The following SULT1C2 variants were observed in gnomAD, a reference collection of about 807,000 sequenced individuals.
SULT1C2 encodes sulfotransferase 1C2.
SULT1C2 carries 27 observed loss-of-function variants against 36.0 expected under a neutral mutation model. That is an observed-to-expected ratio of 0.75 (90% confidence interval 0.55 to 1.03). SULT1C2 has a LOEUF of 1.03. SULT1C2 is among the 50% of genes least tolerant of loss of function. SULT1C2 has a pLI of 0.00. For missense variants in SULT1C2, 395 were observed against 359.2 expected, an observed-to-expected ratio of 1.10 and a Z score of -0.80; for synonymous variants, 121 against 116.0, an observed-to-expected ratio of 1.04 and a Z score of -0.27.
At chr2:108,300,562 C>T (rs1014526921) in intron 3 of SULT1C2, 5 of 460,664 alleles carry the variant, frequency 1.1e-5, no homozygotes, top group Middle Eastern at 5.8e-4. Flanking sequence ...GCTGACTCTG[C>T]CTCAGCAGGA....
intron 7 of SULT1C2, 188 bp downstream of exon 7, chr2:108,305,783 T>C (rs1573255831): frequency 4.0e-6 from 3 of 741,304 alleles, no homozygotes; most frequent in Non-Finnish European, 6.4e-6. Context: ...GTTCCAGTAT[T>C]TGGTTGCAAG....
In SULT1C2 at chr2:108,305,501, G is replaced by A. The variant is rs1032531507; in HGVS notation, c.684G>A (p.Thr228=). 25 of 1,614,048 alleles carry A rather than the reference G, an allele frequency of 1.5e-5. No homozygotes were observed. The highest frequency in any genetic ancestry group is 1.6e-4 in the Middle Eastern group (1 of 6,084). The change falls in exon 7 of 8, where the codon ACG becomes ACA. Residue 228 remains threonine (T), a synonymous_variant. Transcript: ENST00000251481. ...ETVLDKIVQE[T]SFEKMKENPM... ...TGCTAGATAAAATTGTCCAGGAGAC[G>A]TCATTTGAGAAAATGAAAGAAAATC...
At position 108,309,687 on chromosome 2, in the gene SULT1C2, T is replaced by G. The variant is rs190108864; in HGVS notation, c.*1223T>G. On this transcript the variant is annotated 3_prime_UTR_variant, in exon 8 of 8. Coordinates refer to ENST00000251481, the MANE Select transcript of SULT1C2 (RefSeq NM_001056.4). The stretch of plus-strand genomic sequence containing the variant: ...AGGCTGGTCTTAACTGACTGCTTTT[T>G]ATTATTACCATGCACTGGCAATTCC... The G allele has an allele frequency of 1.3e-5, 2 of 152,098 alleles. No individual in the cohort carries two copies. The highest frequency in any genetic ancestry group is 6.5e-5 in the Admixed American group (1 of 15,278). The allele number at this position is 152,098 out of a possible 1,614,324, so 9.4% of individuals were successfully genotyped here.
chr2:108,307,229 G>A (rs1356059531), intron 7 of SULT1C2, among the ~76,000 whole-genome samples: 1 of 152,106 alleles, frequency 6.6e-6, no homozygotes, highest in South Asian at 2.1e-4. Flanking sequence ...GATTTGTCAA[G>A]GTGCCCTTCT....
chr2:108,296,684 C>T (rs1055685702), intron 3 of SULT1C2, among the ~76,000 whole-genome samples: 5 of 152,208 alleles, frequency 3.3e-5, no homozygotes, highest in African/African-American at 1.2e-4. Flanking sequence ...AACTCCTGAC[C>T]TCATGATATA....
rs564573511 is a variant in SULT1C2, at chr2:108,308,251, T to TA, written c.779-101_779-100insA. The TA allele has an allele frequency of 8.8e-3, 9,156 of 1,043,318 alleles. 56 individuals carry two copies. Among genetic ancestry groups the TA allele is most frequent in the Non-Finnish European group, 0.011 (7,694 of 707,824 alleles). 64.6% of individuals were successfully genotyped at this position (1,043,318 alleles called of 1,614,324 possible). A position where few individuals can be genotyped will look rare whatever the true frequency, so the allele number is the denominator to read the frequency against. On this transcript the variant is annotated intron_variant, in intron 7 of 7. Coordinates refer to ENST00000251481, the MANE Select transcript of SULT1C2 (RefSeq NM_001056.4). ...AAGGGGGAGTTGGGTGAGTCAGGTA[T>TA]GTGGACAGGCCAGATTCAGTATGGG...
rs1279897987 is a variant in SULT1C2 at position 108,304,569 on chromosome 2, C to G, written c.376-5C>G. 7 of 1,595,524 alleles carry G rather than the reference C, an allele frequency of 4.4e-6. No homozygotes were observed. Among genetic ancestry groups the G allele is most frequent in the Non-Finnish European group, 6.0e-6 (7 of 1,173,924 alleles). Reference sequence around the variant, plus strand: ...CTTTTACCCACCTCTTTTCTTACCCCAAAGTTCCTTTATGTAGCTCGAAAT... The same window carrying G: ...CTTTTACCCACCTCTTTTCTTACCCGAAAGTTCCTTTATGTAGCTCGAAAT... On this transcript the variant is annotated splice_polypyrimidine_tract_variant and splice_region_variant and intron_variant, in intron 4 of 7. Coordinates refer to ENST00000251481, the MANE Select transcript of SULT1C2 (RefSeq NM_001056.4).
chr2:108,300,764 G>A, intron 3 of SULT1C2, 74 bp from the exon 4 acceptor site: 3 of 1,598,302 alleles, frequency 1.9e-6, no homozygotes, highest in Non-Finnish European at 2.6e-6. Context: ...GGATGTCCTG[G>A]ACAGAGCCTG....
chr2:108,304,298 T>G (rs1039937962), intron 4 of SULT1C2: 1 of 274,324 alleles, frequency 3.6e-6, no homozygotes, highest in African/African-American at 2.2e-5. Context: ...AGAAAAAGAT[T>G]TTGCTCCTGA....
intron 1 of SULT1C2, among the ~76,000 whole-genome samples, chr2:108,289,642 T>C (rs1312965806): frequency 1.3e-5 from 2 of 152,160 alleles, no homozygotes; most frequent in South Asian, 2.1e-4. Context: ...TGGCCTGATA[T>C]GATGAAAATG....
intron 2 of SULT1C2, 94 bp downstream of exon 2, chr2:108,293,912 T>A: frequency 1.3e-6 from 2 of 1,505,812 alleles, no homozygotes; most frequent in Non-Finnish European, 8.9e-7. Flanking sequence ...AACCTGCTCC[T>A]TCTTATTGTT....
At chr2:108,298,794 G>T in intron 3 of SULT1C2, 2 of 203,650 alleles carry the variant, frequency 9.8e-6, no homozygotes, top group Non-Finnish European at 2.1e-5. Flanking sequence ...TTGTTCATAG[G>T]GCTTTTCCCT....
At chr2:108,295,384 C>A (rs190518371) in intron 3 of SULT1C2, among the ~76,000 whole-genome samples, 3 of 152,368 alleles carry the variant, frequency 2.0e-5, no homozygotes, top group South Asian at 2.1e-4. Flanking sequence ...CATAGACAGG[C>A]CAGCCTCTGC....
intron 3 of SULT1C2, chr2:108,300,465 C>T (rs577760836): frequency 1.9e-5 from 6 of 324,218 alleles, no homozygotes; most frequent in Non-Finnish European, 2.2e-5. Context: ...GCAAACAGGC[C>T]GGGTACATGA....
At chr2:108,302,097 G>A (rs1676892417) in intron 4 of SULT1C2, 1 of 152,190 alleles carries the variant, frequency 6.6e-6, no homozygotes, top group Admixed American at 6.5e-5. Context: ...GCATAACTGA[G>A]ATCAAAATAA....
chr2:108,289,562 C>A (rs1279933032), intron 1 of SULT1C2, among the ~76,000 whole-genome samples: 1 of 152,200 alleles, frequency 6.6e-6, no homozygotes, highest in Non-Finnish European at 1.5e-5. Context: ...ACTATAGGAT[C>A]CCATGGAAAG....
chr2:108,308,735 GT>G lies in SULT1C2; in HGVS notation c.*275del. The stretch of plus-strand genomic sequence containing the variant: ...CGTATGACTTGAGTACAAAAGGATT[GT>G]TTTAATCCCCATTATTCTGGAAAGT... On this transcript the variant is annotated 3_prime_UTR_variant, in exon 8 of 8. Transcript: ENST00000251481. 1 of 347,500 alleles carries G rather than the reference GT, an allele frequency of 2.9e-6. No individual in the cohort carries two copies. Among genetic ancestry groups the G allele is most frequent in the Non-Finnish European group, 5.2e-6 (1 of 192,600 alleles). The allele number at this position is 347,500 out of a possible 1,614,324, so 21.5% of individuals were successfully genotyped here.
intron 5 of SULT1C2, among the ~76,000 whole-genome samples, chr2:108,304,952 A>G (rs1676984000): frequency 1.3e-5 from 2 of 152,198 alleles, no homozygotes; most frequent in African/African-American, 4.8e-5. Flanking sequence ...ATGTGATTGC[A>G]CATAATAGGA....
chr2:108,308,336 GCCTT>G lies in SULT1C2; in HGVS notation c.779-11_779-8del. ...TCAATCAGAGTGACACTCCTGTCTG[GCCTT>G]CCTTTTTCTAGGAACTGTGGGGGAT... On this transcript the variant is annotated splice_polypyrimidine_tract_variant and intron_variant, in intron 7 of 7. Transcript: ENST00000251481. 6.3e-7 allele frequency: 1 copy of G among 1,596,262 alleles called. No individual in the cohort carries two copies.
Sources: allele counts gnomAD v4.1 joint callset (sites outside exome capture counted in the v4.1 genomes callset), GRCh38; gene constraint gnomAD v4.1.1; transcripts MANE v1.5; gene names NCBI Gene and HGNC (gene_info 2026-07-23, HGNC 2026-07-21).